The following ZNF99 variants were observed in gnomAD, a reference collection of about 807,000 sequenced individuals.
The protein encoded by ZNF99 is zinc finger protein 99.
In ZNF99, 8 loss-of-function variants were observed where a neutral mutation model predicts 12.8. That is an observed-to-expected ratio of 0.62 (90% CI 0.37 to 1.13). ZNF99 has a LOEUF of 1.13. Ranked by LOEUF, ZNF99 falls within the 50% of genes most tolerant of loss-of-function variation. ZNF99 has a pLI of 0.02. For missense variants in ZNF99, 1,007 were observed against 1,006.2 expected, an observed-to-expected ratio of 1.00 and a Z score of -0.01; for synonymous variants, 318 against 319.0, an observed-to-expected ratio of 1.00 and a Z score of 0.03.
At chr19:22,768,181 C>T in intron 3 of ZNF99, 124 bp downstream of exon 3, 1 of 1,077,970 alleles carries the variant, frequency 9.3e-7, no homozygotes, top group Non-Finnish European at 1.4e-6. Flanking sequence ...TTTAAAAAAT[C>T]TCAGTCTTCC....
intron 3 of ZNF99, among the ~76,000 whole-genome samples, chr19:22,761,933 A>G (rs1226265583): frequency 6.6e-6 from 1 of 152,104 alleles, no homozygotes; most frequent in Non-Finnish European, 1.5e-5. Flanking sequence ...AAAATTCTTC[A>G]AACTCAACAA....
At chr19:22,762,445 T>C (rs1409065517) in intron 3 of ZNF99, among the ~76,000 whole-genome samples, 2 of 152,070 alleles carry the variant, frequency 1.3e-5, no homozygotes, top group African/African-American at 2.4e-5. Flanking sequence ...CAGGAAGAAT[T>C]AGATACCCTG....
At position 22,753,419 on chromosome 19, in the gene ZNF99, T is replaced by C. The variant is rs1254804633; in HGVS notation, c.*3895A>G. 2.0e-5 allele frequency: 3 copies of C among 147,820 alleles called. No individual in the cohort carries two copies. Among genetic ancestry groups the C allele is most frequent in the African/African-American group, 5.3e-5 (2 of 37,480 alleles). 9.2% of individuals were successfully genotyped at this position (147,820 alleles called of 1,614,324 possible). On this transcript the variant is annotated 3_prime_UTR_variant, in exon 4 of 4. Transcript: ENST00000596209. ...TTGAATATTTTTCATATTTACTGCA[T>C]CTACAAAAAAAACTTACTCTGTTTT... is the stretch of plus-strand genomic sequence containing the variant.
chr19:22,758,376 A>G lies in ZNF99; in HGVS notation c.1533T>C (p.Cys511=), dbSNP rs1973103046. ...VIHMEEKPCK[C]EECGKAFKHF... ...GCTTAAAAGCTTTGCCACATTCTTC[A>G]CATTTGCAAGGTTTCTCTTCCATAT... Residue 511 remains cysteine (C), a synonymous_variant, in exon 4 of 4, where the codon TGT becomes TGC. Transcript: ENST00000596209. 5 of 1,604,960 alleles carry G rather than the reference A, an allele frequency of 3.1e-6. No individual in the cohort carries two copies. Among genetic ancestry groups the G allele is most frequent in the South Asian group, 1.1e-5 (1 of 90,600 alleles).
At position 22,759,641 on chromosome 19, in the gene ZNF99, T is replaced by C. The variant is rs1476841726; in HGVS notation, c.268A>G (p.Ser90Gly). 6.3e-7 allele frequency: 1 copy of C among 1,580,240 alleles called. No homozygotes were observed. Among genetic ancestry groups the C allele is most frequent in the Non-Finnish European group, 8.6e-7 (1 of 1,168,912 alleles). ...HFTQDFWPDQSIKDSFQEIIL... is the reference protein window; with the variant it reads ...HFTQDFWPDQGIKDSFQEIIL... ...ATTTCTTGGAAAGAATCTTTTATGC[T>C]CTGATCTGGCCAAAAGTCTTGTGTA... The change falls in exon 4 of 4, where the codon AGC becomes GGC. Residue 90 changes from serine to glycine, a missense_variant. Ser to Gly is a moderately conservative substitution (Grantham distance 56, BLOSUM62 0). Transcript: ENST00000596209.
In ZNF99 at chr19:22,757,718, T is replaced by C; in HGVS notation, c.2191A>G (p.Lys731Glu). The C allele has an allele frequency of 6.2e-7, 1 of 1,612,308 alleles. No homozygotes were observed. Among genetic ancestry groups the C allele is most frequent in the Non-Finnish European group, 8.5e-7 (1 of 1,179,702 alleles). The change falls in exon 4 of 4, where the codon AAA becomes GAA. Residue 731 changes from lysine (K) to glutamate (E), a missense_variant. Transcript: ENST00000596209. ...CCACATTCTTCACATTTGTAGGGTT[T>C]CTCTCCAGTATGAATTATCTCATGT... ...RKHEIIHTGE[K>E]PYKCEECGKA...
intron 1 of ZNF99, among the ~76,000 whole-genome samples, chr19:22,782,322 T>C (rs899682829): frequency 5.9e-5 from 9 of 151,968 alleles, no homozygotes; most frequent in Admixed American, 2.0e-4. Flanking sequence ...GGCAGGCAAA[T>C]AGACTGAGGT....
intron 1 of ZNF99, among the ~76,000 whole-genome samples, chr19:22,779,960 C>G (rs771971603): frequency 1.3e-5 from 2 of 152,138 alleles, no homozygotes; most frequent in African/African-American, 2.4e-5. Flanking sequence ...AAAACAATAA[C>G]AATTTCATCT....
At chr19:22,772,442 T>C (rs1449422506) in intron 1 of ZNF99, among the ~76,000 whole-genome samples, 1 of 152,094 alleles carries the variant, frequency 6.6e-6, no homozygotes, top group Non-Finnish European at 1.5e-5. Flanking sequence ...CCCAGCACTT[T>C]GGGAGGCGGG....
rs778552430 is a variant in ZNF99, at chr19:22,759,512, G to A, written c.397C>T (p.Leu133Phe). 3 of 1,608,950 alleles carry A rather than the reference G, an allele frequency of 1.9e-6. No homozygotes were observed. Among genetic ancestry groups the A allele is most frequent in the Admixed American group, 1.7e-5 (1 of 59,128 alleles). Residue 133 changes from leucine to phenylalanine, a missense_variant, in exon 4 of 4, where the codon CTT becomes TTT. Transcript: ENST00000596209. ...GKMHEEAYNK[L>F]NQCWTTTQGK... ...TGGGTAGTTGTCCAACATTGGTTAA[G>A]TTTATTATAAGCTTCTTCGTGCATC...
At position 22,758,401 on chromosome 19, in the gene ZNF99, T is replaced by A. The variant is rs368914542; in HGVS notation, c.1508A>T (p.His503Leu). ...SSKLTVHKVI[H>L]MEEKPCKCEE... ...ACATTTGCAAGGTTTCTCTTCCATA[T>A]GAATTACCTTATGTACAGTAAGTTT... Residue 503 changes from histidine (H) to leucine (L), a missense_variant, in exon 4 of 4, where the codon CAT becomes CTT. Transcript: ENST00000596209. The A allele has an allele frequency of 6.2e-7, 1 of 1,605,010 alleles. No homozygotes were observed. Among genetic ancestry groups the A allele is most frequent in the African/African-American group, 1.3e-5 (1 of 74,834 alleles).
rs1330940859 is a variant in ZNF99 at position 22,752,765 on chromosome 19, A to C, written c.*4549T>G. 6.6e-6 allele frequency: 1 copy of C among 152,094 alleles called. No individual in the cohort carries two copies. Among genetic ancestry groups the C allele is most frequent in the Non-Finnish European group, 1.5e-5 (1 of 67,998 alleles). 9.4% of individuals were successfully genotyped at this position (152,094 alleles called of 1,614,324 possible). A position where few individuals can be genotyped will look rare whatever the true frequency, so the allele number is the denominator to read the frequency against. The stretch of plus-strand genomic sequence containing the variant: ...TTACATATAATCTAAAAATTTATGA[A>C]TGTACTACATTACATAAAAGCACAA... On this transcript the variant is annotated 3_prime_UTR_variant, in exon 4 of 4. Transcript: ENST00000596209.
At position 22,754,198 on chromosome 19, in the gene ZNF99, C is replaced by T. The variant is rs1484635275; in HGVS notation, c.*3116G>A. Reference sequence around the variant, plus strand: ...CCTGGTCAAAATGGTGAAACCCCGTCTCTACTAAAAATACAAAAATTAGCT... The same window carrying T: ...CCTGGTCAAAATGGTGAAACCCCGTTTCTACTAAAAATACAAAAATTAGCT... On this transcript the variant is annotated 3_prime_UTR_variant, in exon 4 of 4. Coordinates refer to ENST00000596209, the MANE Select transcript of ZNF99 (RefSeq NM_001080409.3). 1 of 444,576 alleles carries T rather than the reference C, an allele frequency of 2.2e-6. No homozygotes were observed. Among genetic ancestry groups the T allele is most frequent in the Admixed American group, 2.4e-5 (1 of 41,040 alleles). The allele number at this position is 444,576 out of a possible 1,614,324, so 27.5% of individuals were successfully genotyped here.
At chr19:22,769,505 T>C (rs141810636) in intron 1 of ZNF99, among the ~76,000 whole-genome samples, 181 bp from the exon 2 acceptor site, 11 of 151,750 alleles carry the variant, frequency 7.2e-5, no homozygotes, top group African/African-American at 2.7e-4. Context: ...CAGTGGCTCA[T>C]GCCTGTAATC....
At chr19:22,769,638 T>C (rs374788551) in intron 1 of ZNF99, among the ~76,000 whole-genome samples, 3 of 151,646 alleles carry the variant, frequency 2.0e-5, no homozygotes, top group African/African-American at 7.3e-5. Flanking sequence ...TGGTGGTGGG[T>C]GCCTGTAGCC....
chr19:22,771,067 T>G (rs1000986858), intron 1 of ZNF99: 1 of 151,148 alleles, frequency 6.6e-6, no homozygotes, highest in Admixed American at 6.6e-5. Context: ...GCCTCCCGAG[T>G]AGCTGAGATT....
intron 1 of ZNF99, chr19:22,769,777 A>T (rs1245167683): frequency 1.8e-6 from 2 of 1,086,534 alleles, no homozygotes; most frequent in Non-Finnish European, 2.4e-6. Flanking sequence ...AAAAAAATAA[A>T]GAAAAGAAAA....
At chr19:22,759,720 A>C in intron 3 of ZNF99, 38 bp from the exon 4 acceptor site, 3 of 1,390,534 alleles carry the variant, frequency 2.2e-6, no homozygotes, top group Non-Finnish European at 2.9e-6. Context: ...GTCACTTGCT[A>C]GACTCAGATG....
chr19:22,757,650 T>C lies in ZNF99; in HGVS notation c.2259A>G (p.Val753=), dbSNP rs761497842. ...KWSSKLTVHK[V]IHTAEKPCKC... Reference sequence around the variant, plus strand: ...TGCAGGGTTTCTCTGCAGTATGAATTACCTTATGTACAGTAAGTTTTGAGG... The same window carrying C: ...TGCAGGGTTTCTCTGCAGTATGAATCACCTTATGTACAGTAAGTTTTGAGG... Residue 753 remains valine (V), a synonymous_variant, in exon 4 of 4, where the codon GTA becomes GTG. Transcript: ENST00000596209. The C allele has an allele frequency of 4.3e-6, 7 of 1,611,842 alleles. No individual in the cohort carries two copies. Among genetic ancestry groups the C allele is most frequent in the Non-Finnish European group, 5.1e-6 (6 of 1,179,702 alleles).
Sources: allele counts gnomAD v4.1 joint callset (sites outside exome capture counted in the v4.1 genomes callset), GRCh38; gene constraint gnomAD v4.1.1; transcripts MANE v1.5; gene names NCBI Gene and HGNC (gene_info 2026-07-23, HGNC 2026-07-21).